Variants in GABRA3 observed in about 807,000 individuals in gnomAD.
The protein encoded by GABRA3 is gamma-aminobutyric acid receptor subunit alpha-3.
Under a neutral mutation model 30.1 loss-of-function variants are expected in GABRA3, and 10 were observed. That is an observed-to-expected ratio of 0.33 (90% CI 0.20 to 0.56). The LOEUF (loss-of-function observed/expected upper bound fraction) is 0.56. Ranked by LOEUF, GABRA3 falls within the 20% of genes least tolerant of loss-of-function variation. GABRA3 has a pLI of 0.89. For synonymous variants in GABRA3, 151 were observed against 146.8 expected (o/e 1.03, Z -0.21); for missense variants, 233 against 392.0 (o/e 0.59, Z 3.42).
chrX:152,365,103 T>C (rs1227570755), intron 1 of GABRA3, among the ~76,000 whole-genome samples: 2 of 111,923 alleles, frequency 1.8e-5, no homozygotes, highest in East Asian at 2.8e-4. Context: ...CCTACTATCC[T>C]AGTATATTAA....
chrX:152,348,119 T>C (rs1237730786), intron 2 of GABRA3, among the ~76,000 whole-genome samples: 4 of 112,052 alleles, frequency 3.6e-5, no homozygotes, highest in Admixed American at 9.5e-5. Flanking sequence ...CACTAAATTA[T>C]TGTGTGGGGA....
At chrX:152,414,014 A>C (rs1456346039) in intron 1 of GABRA3, among the ~76,000 whole-genome samples, 1 of 111,613 alleles carries the variant, frequency 9.0e-6, no homozygotes, top group Non-Finnish European at 1.9e-5. Context: ...AAAATAAAAA[A>C]AGCTATTCTC....
chrX:152,285,570 T>A (rs940713345), intron 3 of GABRA3, among the ~76,000 whole-genome samples: 1 of 111,943 alleles, frequency 8.9e-6, no homozygotes, highest in Non-Finnish European at 1.9e-5. Flanking sequence ...ACACACCACA[T>A]ATTTGCCAAA....
chrX:152,356,924 C>T (rs1270422820), intron 2 of GABRA3, among the ~76,000 whole-genome samples: 1 of 111,809 alleles, frequency 8.9e-6, no homozygotes, highest in Non-Finnish European at 1.9e-5. Context: ...GACATGATCT[C>T]GTTCTTTTTT....
chrX:152,382,823 G>C (rs903573196), intron 1 of GABRA3, among the ~76,000 whole-genome samples: 1 of 111,203 alleles, frequency 9.0e-6, no homozygotes, highest in African/African-American at 3.3e-5. Context: ...AAAATCAAAG[G>C]ACCATAAACA....
At chrX:152,376,096 C>A (rs1374070583) in intron 1 of GABRA3, among the ~76,000 whole-genome samples, 1 of 111,752 alleles carries the variant, frequency 8.9e-6, no homozygotes, top group Non-Finnish European at 1.9e-5. Flanking sequence ...ATCAGAATTG[C>A]CTGAGAATTT....
At chrX:152,173,111 G>T (rs771290047) in intron 9 of GABRA3, among the ~76,000 whole-genome samples, 14 of 110,779 alleles carry the variant, frequency 1.3e-4, no homozygotes, top group Admixed American at 3.9e-4. Flanking sequence ...ATTCAGAGGG[G>T]CATGAATAAT....
intron 3 of GABRA3, among the ~76,000 whole-genome samples, chrX:152,306,179 A>G (rs1939717482): frequency 8.9e-6 from 1 of 112,010 alleles, no homozygotes; most frequent in Admixed American, 9.5e-5. Context: ...GGTAGTACCA[A>G]GTGTTGATAA....
intron 1 of GABRA3, among the ~76,000 whole-genome samples, chrX:152,421,872 A>G (rs1465584526): frequency 3.6e-5 from 4 of 111,836 alleles, no homozygotes; most frequent in Non-Finnish European, 7.5e-5. Context: ...ATATTATAAT[A>G]TCTAAAATTT....
At position 152,283,915 on chromosome X, in the gene GABRA3, G is replaced by A. The variant is rs769040773; in HGVS notation, c.330+753C>T. On this transcript the variant is annotated intron_variant, in intron 4 of 9. Transcript: ENST00000370314. Reference sequence around the variant, plus strand: ...TTATTGAACATCTAATAATGGCCAGGTATACAAAGCAGATAATAGCTTTTT... The same window carrying A: ...TTATTGAACATCTAATAATGGCCAGATATACAAAGCAGATAATAGCTTTTT... 2.7e-5 allele frequency among the ~76,000 whole-genome samples: 3 copies of A among 110,164 alleles called. No homozygotes were observed. The South Asian group carries it at 1.1e-3, about 41-fold the overall frequency.
chrX:152,231,230 T>C (rs1387859272), intron 5 of GABRA3, among the ~76,000 whole-genome samples: 1 of 107,903 alleles, frequency 9.3e-6, no homozygotes, highest in Admixed American at 1.0e-4. Context: ...CACGTATATA[T>C]ACACACATAT....
At chrX:152,347,208 A>G (rs1189713094) in intron 2 of GABRA3, among the ~76,000 whole-genome samples, 1 of 111,766 alleles carries the variant, frequency 8.9e-6, no homozygotes, top group Non-Finnish European at 1.9e-5. Context: ...GAAACTGGAG[A>G]TCATTATGCT....
intron 3 of GABRA3, among the ~76,000 whole-genome samples, chrX:152,319,563 A>T (rs1939930649): frequency 8.9e-6 from 1 of 112,128 alleles, no homozygotes; most frequent in Non-Finnish European, 1.9e-5. Flanking sequence ...CTCTCACCTT[A>T]TAGGAAAATC....
chrX:152,348,941 G>A (rs1325478838), intron 2 of GABRA3, among the ~76,000 whole-genome samples: 2 of 111,391 alleles, frequency 1.8e-5, no homozygotes, highest in Non-Finnish European at 3.8e-5. Flanking sequence ...GGGCAGCTGT[G>A]GCAATTTCTT....
chrX:152,358,027 C>A (rs184287434), intron 2 of GABRA3, among the ~76,000 whole-genome samples: 1 of 110,769 alleles, frequency 9.0e-6, no homozygotes, highest in Admixed American at 9.6e-5. Context: ...ATTACCTTGG[C>A]TATTTGGGCT....
chrX:152,187,297 A>G (rs992083432), intron 9 of GABRA3: 1 of 111,800 alleles, frequency 8.9e-6, no homozygotes. Context: ...TGAAAATCAG[A>G]TCAGGGTGAA....
At chrX:152,419,268 G>A (rs1930315956) in intron 1 of GABRA3, among the ~76,000 whole-genome samples, 1 of 110,518 alleles carries the variant, frequency 9.0e-6, no homozygotes, top group African/African-American at 3.3e-5. Context: ...TTGTGCACAT[G>A]TACCCTAAAA....
At chrX:152,283,123 G>A (rs1190333008) in intron 4 of GABRA3, among the ~76,000 whole-genome samples, 2 of 111,418 alleles carry the variant, frequency 1.8e-5, no homozygotes, top group African/African-American at 3.3e-5. Flanking sequence ...TGGCCAACTG[G>A]CAACAATGTT....
At chrX:152,427,479 T>C (rs1930540835) in intron 1 of GABRA3, among the ~76,000 whole-genome samples, 1 of 112,100 alleles carries the variant, frequency 8.9e-6, no homozygotes, top group Admixed American at 9.5e-5. Flanking sequence ...CAGCTATAGA[T>C]CTTTACATTC....
Sources: allele counts gnomAD v4.1 joint callset (sites outside exome capture counted in the v4.1 genomes callset), GRCh38; gene constraint gnomAD v4.1.1; transcripts MANE v1.5; gene names NCBI Gene and HGNC (gene_info 2026-07-23, HGNC 2026-07-21).